Variants in CNTN5 observed in about 807,000 individuals in gnomAD.
CNTN5 encodes the protein contactin-5.
A neutral mutation model predicts 129.1 loss-of-function variants in CNTN5; 77 were observed. That is an observed-to-expected ratio of 0.60 (90% CI 0.50 to 0.72). The LOEUF (loss-of-function observed/expected upper bound fraction) is 0.72, where lower values mean the gene tolerates loss of function less well. Ranked by LOEUF, CNTN5 falls within the 30% of genes least tolerant of loss-of-function variation. The pLI, the probability that CNTN5 is intolerant of heterozygous loss-of-function variation, is 0.00. For synonymous variants in CNTN5, 509 were observed against 465.6 expected, an observed-to-expected ratio of 1.09 and a Z score of -1.20; for missense variants, 1,478 against 1,328.8, an observed-to-expected ratio of 1.11 and a Z score of -1.75.
intron 1 of CNTN5, among the ~76,000 whole-genome samples, chr11:99,293,961 G>A (rs1458285393): frequency 1.3e-5 from 2 of 151,220 alleles, no homozygotes; most frequent in Non-Finnish European, 3.0e-5. Context: ...TTTTGAATTT[G>A]GCATGTTATT....
intron 1 of CNTN5, among the ~76,000 whole-genome samples, chr11:99,136,009 T>A (rs7129618): frequency 0.91 from 138,202 of 152,054 alleles, 63,065 homozygotes; most frequent in East Asian, 0.99. Context: ...TGTAAAAAGT[T>A]TACAGCATAC....
chr11:100,204,603 T>G (rs775045585), intron 15 of CNTN5, among the ~76,000 whole-genome samples: 2 of 151,152 alleles, frequency 1.3e-5, no homozygotes, highest in Non-Finnish European at 3.0e-5. Flanking sequence ...AGCCTCCAGT[T>G]AAAGAGTTTT....
chr11:99,320,494 AT>A (rs1230553401), intron 1 of CNTN5, among the ~76,000 whole-genome samples: 3 of 152,198 alleles, frequency 2.0e-5, no homozygotes, highest in Non-Finnish European at 2.9e-5. Context: ...TAGGTGGCAT[AT>A]TGAAGCCATG....
chr11:99,679,044 C>A (rs1015230482), intron 3 of CNTN5, among the ~76,000 whole-genome samples: 1 of 145,458 alleles, frequency 6.9e-6, no homozygotes, highest in South Asian at 2.1e-4. Flanking sequence ...AAAATATATG[C>A]ATTTTATATA....
At chr11:99,258,618 C>G (rs11219112) in intron 1 of CNTN5, among the ~76,000 whole-genome samples, 13 of 151,920 alleles carry the variant, frequency 8.6e-5, no homozygotes, top group African/African-American at 2.4e-4. Context: ...TAAAATTCAG[C>G]TTCAGAGATT....
chr11:100,188,584 A>G lies in CNTN5; in HGVS notation c.1581-2542A>G, dbSNP rs548057695. 5.9e-5 allele frequency among the ~76,000 whole-genome samples: 9 copies of G among 152,322 alleles called. 1 individual carries two copies. Among genetic ancestry groups the G allele is most frequent in the African/African-American group, 2.2e-4 (9 of 41,580 alleles). On this transcript the variant is annotated intron_variant, in intron 13 of 24. Transcript: ENST00000524871. ...AAATGGCTATCATTAACAAGACAAA[A>G]ACAACAGATGCTGGTGAGGCTGTGG...
rs1565642700 is a variant in CNTN5 at position 99,889,323 on chromosome 11, TGTGTGTGTG to T, written c.578-26730_578-26722del. ...GTGTGTGTGTGTGTGTGTGTGTGTGTGTGTGTGTGTGTGTGTGTGTGTGTGTGTGTGTGT... is the reference window on the plus strand; with the variant it reads ...GTGTGTGTGTGTGTGTGTGTGTGTGTTGTGTGTGTGTGTGTGTGTGTGTGT... On this transcript the variant is annotated intron_variant, in intron 6 of 24. Coordinates refer to ENST00000524871, the MANE Select transcript of CNTN5 (RefSeq NM_014361.4). Among the ~76,000 whole-genome samples the T allele has an allele frequency of 3.6e-3, 527 of 144,508 alleles. 9 individuals carry two copies. Among genetic ancestry groups the T allele is most frequent in the Admixed American group, 0.014 (206 of 14,384 alleles). The allele number at this position is 144,508 out of a possible 152,430, so 94.8% of individuals were successfully genotyped here. A position where few individuals can be genotyped will look rare whatever the true frequency, so the allele number is the denominator to read the frequency against.
At chr11:99,608,105 A>G (rs973733317) in intron 3 of CNTN5, among the ~76,000 whole-genome samples, 2 of 150,562 alleles carry the variant, frequency 1.3e-5, no homozygotes, top group East Asian at 3.9e-4. Flanking sequence ...TATAATAAAA[A>G]AAAAAAAAAA....
At position 99,961,371 on chromosome 11, in the gene CNTN5, T is replaced by C. The variant is rs576004851; in HGVS notation, c.877+4362T>C. ...TACAAAACTAAATCTATATTATTAA[T>C]GAGAATGCTGAAGGAGAGGAAGAGC... On this transcript the variant is annotated intron_variant, in intron 8 of 24. Coordinates refer to ENST00000524871, the MANE Select transcript of CNTN5 (RefSeq NM_014361.4). Among the ~76,000 whole-genome samples the C allele has an allele frequency of 5.9e-5, 9 of 152,180 alleles. No individual in the cohort carries two copies. In the South Asian group the frequency reaches 1.7e-3, roughly 28 times the overall value.
At chr11:99,887,222 C>T (rs1007425013) in intron 6 of CNTN5, among the ~76,000 whole-genome samples, 1 of 152,146 alleles carries the variant, frequency 6.6e-6, no homozygotes, top group African/African-American at 2.4e-5. Flanking sequence ...AACATAACTG[C>T]CAAGATTTCC....
At chr11:99,433,746 A>T (rs1320236476) in intron 2 of CNTN5, among the ~76,000 whole-genome samples, 1 of 152,162 alleles carries the variant, frequency 6.6e-6, no homozygotes, top group South Asian at 2.1e-4. Context: ...AGTCAATTCA[A>T]TCAATACAGG....
Position 99,972,123 on chromosome 11 carries a change from T to C in CNTN5, c.877+15114T>C, listed in dbSNP as rs865791044. 5.2e-3 allele frequency among the ~76,000 whole-genome samples: 651 copies of C among 124,410 alleles called. 5 individuals carry two copies. The highest frequency in any genetic ancestry group is 0.018 in the African/African-American group (598 of 33,036). The allele number at this position is 124,410 out of a possible 152,430, so 81.6% of individuals were successfully genotyped here. Reference sequence around the variant, plus strand: ...AAAAAAAAAAAAAATTAGCCGGGCGTGGTGGCGGGTGCCTGTAGTCCCAGC... The same window carrying C: ...AAAAAAAAAAAAAATTAGCCGGGCGCGGTGGCGGGTGCCTGTAGTCCCAGC... On this transcript the variant is annotated intron_variant, in intron 8 of 24. Transcript: ENST00000524871.
intron 18 of CNTN5, among the ~76,000 whole-genome samples, chr11:100,277,513 T>C (rs945081086): frequency 2.6e-5 from 4 of 152,146 alleles, no homozygotes; most frequent in African/African-American, 9.7e-5. Context: ...ATATAAGCCA[T>C]GTAAACTGGG....
At chr11:99,274,642 C>CTATATATATATGAATACCTCTACTA (rs1565455176) in intron 1 of CNTN5, among the ~76,000 whole-genome samples, 2 of 151,256 alleles carry the variant, frequency 1.3e-5, no homozygotes, top group Non-Finnish European at 3.0e-5. Context: ...ATAAAAACTA[C>CTATATATATATGAATACCTCTACTA]TATATATATA....
At chr11:99,067,513 A>G (rs1379330142) in intron 1 of CNTN5, among the ~76,000 whole-genome samples, 2 of 152,118 alleles carry the variant, frequency 1.3e-5, no homozygotes, top group Non-Finnish European at 2.9e-5. Context: ...GAAATGCAAG[A>G]ATATATGTGT....
chr11:99,671,361 G>A (rs1452027753), intron 3 of CNTN5, among the ~76,000 whole-genome samples: 11 of 152,098 alleles, frequency 7.2e-5, no homozygotes, highest in Admixed American at 7.2e-4. Context: ...TTTATTAATA[G>A]CAGATGTTTA....
At chr11:99,101,468 A>G (rs1290020844) in intron 1 of CNTN5, among the ~76,000 whole-genome samples, 2 of 152,212 alleles carry the variant, frequency 1.3e-5, no homozygotes, top group African/African-American at 4.8e-5. Flanking sequence ...CCTTCCACCT[A>G]TGAGCCTGTA....
intron 15 of CNTN5, among the ~76,000 whole-genome samples, chr11:100,202,611 TATA>T (rs1365989597): frequency 1.3e-5 from 2 of 151,690 alleles, no homozygotes; most frequent in South Asian, 2.1e-4. Context: ...TTGTTTGTTT[TATA>T]ATAAGTTTGA....
intron 7 of CNTN5, among the ~76,000 whole-genome samples, chr11:99,926,809 A>G (rs1260653883): frequency 6.6e-6 from 1 of 151,978 alleles, no homozygotes; most frequent in Non-Finnish European, 1.5e-5. Context: ...ACAGACTTTC[A>G]TTTTTTGATA....
Sources: gnomAD v4.1 joint callset for allele counts (sites outside exome capture counted in the v4.1 genomes callset) on GRCh38, gnomAD v4.1.1 for gene constraint, MANE v1.5 for transcripts, NCBI Gene and HGNC (gene_info 2026-07-23, HGNC 2026-07-21) for gene names.